The following VWF variants were observed in gnomAD, a reference collection of about 807,000 sequenced individuals.
VWF encodes von Willebrand factor.
Under a neutral mutation model 308.6 loss-of-function variants are expected in VWF, and 176 were observed. That is an observed-to-expected ratio of 0.57 (90% CI 0.50 to 0.65). The LOEUF is 0.65. Ranked by LOEUF, VWF falls within the 30% of genes least tolerant of loss-of-function variation. VWF has a pLI of 0.00. For synonymous variants in VWF, 1,385 were observed against 1,443.4 expected (o/e 0.96, Z 0.92); for missense variants, 3,146 against 3,648.2 (o/e 0.86, Z 3.55).
chr12:6,032,340 A>G (rs1944274253), intron 20 of VWF, among the ~76,000 whole-genome samples: 2 of 150,334 alleles, frequency 1.3e-5, no homozygotes, highest in African/African-American at 4.9e-5. Flanking sequence ...AAAAAAAAAG[A>G]AAAGAAAAGA....
Position 6,075,654 on chromosome 12 carries a change from C to T in VWF, c.658-103G>A. ...AGGGAAACCAAGGCAGCTCCCTCAGCACCTGGGACAGGCTGGCACCAAGCA... is the reference window on the plus strand; with the variant it reads ...AGGGAAACCAAGGCAGCTCCCTCAGTACCTGGGACAGGCTGGCACCAAGCA... On this transcript the variant is annotated intron_variant, in intron 6 of 51. Transcript: ENST00000261405. This position sits in a 1 kb window ranked among gnomAD's most constrained non-coding sequence, Gnocchi z 4.7. 7.8e-7 allele frequency: 1 copy of T among 1,276,160 alleles called. No homozygotes were observed. The highest frequency in any genetic ancestry group is 2.0e-5 in the Admixed American group (1 of 50,684). The allele number at this position is 1,276,160 out of a possible 1,614,324, so 79.1% of individuals were successfully genotyped here.
intron 3 of VWF, among the ~76,000 whole-genome samples, chr12:6,118,520 TGGGATACA>T (rs1259192905): frequency 1.3e-5 from 2 of 151,382 alleles, no homozygotes; most frequent in African/African-American, 4.9e-5. Context: ...CCCGAGCAGC[TGGGATACA>T]GGCACCCACC....
chr12:5,961,642 C>A, intron 47 of VWF, among the ~76,000 whole-genome samples: 1 of 147,262 alleles, frequency 6.8e-6, no homozygotes, highest in Admixed American at 6.7e-5. Flanking sequence ...TTTAGCAAGG[C>A]TGAAGAATAC....
intron 6 of VWF, among the ~76,000 whole-genome samples, chr12:6,092,626 T>TGAGAGTGAGAGTGAGAGAGAGAGAGAGA (rs1242670462): frequency 5.0e-4 from 42 of 83,522 alleles, no homozygotes; most frequent in African/African-American, 1.7e-3. Context: ...AGAGTGTGTG[T>TGAGAGTGAGAGTGAGAGAGAGAGAGAGA]GTGTGTGTGT....
chr12:6,017,598 A>G (rs181109149), intron 28 of VWF, among the ~76,000 whole-genome samples: 57 of 152,338 alleles, frequency 3.7e-4, no homozygotes, highest in African/African-American at 1.4e-3. Flanking sequence ...AAAAGGTAGT[A>G]GTAACAGCAG....
chr12:6,044,169 C>T (rs1944421214), intron 18 of VWF, 122 bp downstream of exon 18: 10 of 1,290,792 alleles, frequency 7.7e-6, no homozygotes, highest in South Asian at 2.9e-5. Flanking sequence ...ACCAGCACCA[C>T]CTCCATTGCT....
At position 6,062,939 on chromosome 12, in the gene VWF, C is replaced by T. The variant is rs184217564; in HGVS notation, c.1533+15G>A. The T allele has an allele frequency of 2.2e-4, 359 of 1,608,788 alleles. 1 individual carries two copies. In the Admixed American group the frequency reaches 2.3e-3, roughly 10 times the overall value. On this transcript the variant is annotated intron_variant, in intron 13 of 51. Transcript: ENST00000261405. Reference sequence around the variant, plus strand: ...GTCGGGCCGCAGGGAGCCAGTACCCCGTGAGGGCACCTACCTTCACCAGCA... The same window carrying T: ...GTCGGGCCGCAGGGAGCCAGTACCCTGTGAGGGCACCTACCTTCACCAGCA...
intron 25 of VWF, among the ~76,000 whole-genome samples, chr12:6,023,265 G>A (rs1944150220): frequency 6.6e-6 from 1 of 152,100 alleles, no homozygotes; most frequent in Non-Finnish European, 1.5e-5. Context: ...GTCCAAAGAA[G>A]CAAGATTCTA....
intron 5 of VWF, among the ~76,000 whole-genome samples, chr12:6,102,972 G>A (rs977486018): frequency 2.0e-5 from 3 of 152,082 alleles, no homozygotes; most frequent in East Asian, 1.9e-4. Context: ...ATCACAATAT[G>A]TGACTTCAAA....
chr12:5,994,271 A>G (rs1943781973), intron 36 of VWF, 68 bp from the exon 37 acceptor site: 1 of 1,599,896 alleles, frequency 6.3e-7, no homozygotes, highest in East Asian at 2.2e-5. Flanking sequence ...TTGATGCCAG[A>G]GACAGGCCAT....
intron 6 of VWF, among the ~76,000 whole-genome samples, chr12:6,081,825 T>G (rs1391746822): frequency 6.6e-6 from 1 of 152,188 alleles, no homozygotes; most frequent in African/African-American, 2.4e-5. Context: ...TCCCAACAGA[T>G]TTAAATGCAG....
At chr12:6,082,720 A>C (rs1032755695) in intron 6 of VWF, among the ~76,000 whole-genome samples, 19 of 152,210 alleles carry the variant, frequency 1.2e-4, no homozygotes, top group Admixed American at 1.1e-3. Flanking sequence ...ATCTTCTTTG[A>C]CCATGAGGCA....
At chr12:5,952,316 G>A in intron 49 of VWF, 75 bp downstream of exon 49, 8 of 1,594,238 alleles carry the variant, frequency 5.0e-6, no homozygotes, top group Non-Finnish European at 6.9e-6. Flanking sequence ...TGCCGGAGCT[G>A]GGATGCACAC....
Position 6,100,901 on chromosome 12 carries a change from TAAAG to T in VWF, c.533-5321_533-5318del, listed in dbSNP as rs768774302. ...AAAACTTAAAGCATAATAATAATAA[TAAAG>T]AAAGACACAGAAATAGCAAGAGTAG... On this transcript the variant is annotated intron_variant, in intron 5 of 51. Coordinates refer to ENST00000261405, the MANE Select transcript of VWF (RefSeq NM_000552.5). 3.4e-3 allele frequency among the ~76,000 whole-genome samples: 516 copies of T among 152,012 alleles called. 1 individual carries two copies. Among genetic ancestry groups the T allele is most frequent in the African/African-American group, 0.011 (456 of 41,464 alleles).
chr12:6,085,879 C>T (rs997996787), intron 6 of VWF, among the ~76,000 whole-genome samples: 12 of 152,070 alleles, frequency 7.9e-5, no homozygotes, highest in African/African-American at 2.9e-4. Context: ...CACATGTATC[C>T]CAGAACTTAA....
chr12:6,029,663 C>T (rs1181437191), intron 21 of VWF, among the ~76,000 whole-genome samples, 175 bp from the exon 22 acceptor site: 1 of 152,170 alleles, frequency 6.6e-6, no homozygotes, highest in Non-Finnish European at 1.5e-5. Context: ...CACGCCAGGA[C>T]ATGTCTGTGA....
intron 43 of VWF, among the ~76,000 whole-genome samples, chr12:5,975,532 T>C (rs1370032577): frequency 6.6e-6 from 1 of 152,094 alleles, no homozygotes. Context: ...AGGGATCATG[T>C]TTTCCGTACC....
chr12:6,062,745 G>A (rs1944668510), intron 13 of VWF, among the ~76,000 whole-genome samples: 1 of 152,166 alleles, frequency 6.6e-6, no homozygotes, highest in African/African-American at 2.4e-5. Context: ...GCAGAGCCCA[G>A]CAGGAAGAAT....
In VWF at chr12:6,109,372, T is replaced by C. The variant is rs996240101; in HGVS notation, c.532+1002A>G. ...CATATATAGAGTGCAACTAAAGTGA[T>C]ATTTAGAGGGAAATTTATAGCCCTA... On this transcript the variant is annotated intron_variant, in intron 5 of 51. Transcript: ENST00000261405. Among the ~76,000 whole-genome samples the C allele has an allele frequency of 2.6e-5, 4 of 152,332 alleles. No individual in the cohort carries two copies. The East Asian group carries it at 7.7e-4, about 29-fold the overall frequency.
Sources: allele counts gnomAD v4.1 joint callset (sites outside exome capture counted in the v4.1 genomes callset), GRCh38; gene constraint gnomAD v4.1.1; non-coding constraint Gnocchi (gnomAD v3.1); transcripts MANE v1.5; gene names NCBI Gene and HGNC (gene_info 2026-07-23, HGNC 2026-07-21).